ABCG8: variants seen among roughly 807,000 people sequenced by gnomAD.
The protein encoded by ABCG8 is ATP-binding cassette sub-family G member 8.
In ABCG8, 81 loss-of-function variants were observed where a neutral mutation model predicts 71.3. That is an observed-to-expected ratio of 1.14 (90% CI 0.95 to 1.37). The LOEUF (loss-of-function observed/expected upper bound fraction) is 1.37, where lower values mean the gene tolerates loss of function less well. Among genes scored for constraint, ABCG8 ranks in the 40% most tolerant of loss-of-function variants. The pLI, the probability that ABCG8 is intolerant of heterozygous loss-of-function variation, is 0.00. For synonymous variants in ABCG8, 451 were observed against 354.7 expected, an observed-to-expected ratio of 1.27 and a Z score of -3.05; for missense variants, 1,119 against 866.2, an observed-to-expected ratio of 1.29 and a Z score of -3.66.
At position 43,871,961 on chromosome 2, in the gene ABCG8, A is replaced by G. The variant is rs774941972; in HGVS notation, c.965-15A>G. On this transcript the variant is annotated splice_polypyrimidine_tract_variant and intron_variant, in intron 6 of 12. Transcript: ENST00000272286. ...GGGAACAGGCCACCTGTGACTCCAC[A>G]TCCCCTGCTTGCAGTGGACCTGACC... 6 of 1,613,948 alleles carry G rather than the reference A, an allele frequency of 3.7e-6. No homozygotes were observed. Among genetic ancestry groups the G allele is most frequent in the Non-Finnish European group, 4.2e-6 (5 of 1,180,024 alleles).
At chr2:43,853,744 G>A (rs543269397) in intron 6 of ABCG8, among the ~76,000 whole-genome samples, 1 of 152,348 alleles carries the variant, frequency 6.6e-6, no homozygotes, top group South Asian at 2.1e-4. Flanking sequence ...GAGAAGCCTG[G>A]AGCTTGCAGA....
chr2:43,876,986 T>C (rs1422883150), intron 11 of ABCG8, among the ~76,000 whole-genome samples: 2 of 147,980 alleles, frequency 1.4e-5, no homozygotes, highest in Non-Finnish European at 3.0e-5. Flanking sequence ...GGGGAGACCA[T>C]GAGAATATAG....
chr2:43,852,117 C>G (rs1012286297), intron 4 of ABCG8, among the ~76,000 whole-genome samples: 2 of 152,202 alleles, frequency 1.3e-5, no homozygotes, highest in African/African-American at 4.8e-5. Flanking sequence ...GCCATGGTCC[C>G]CAATACACTG....
Position 43,874,502 on chromosome 2 carries a change from G to C in ABCG8, c.1488+19G>C, listed in dbSNP as rs1669892065. ...TGCCAAGGTGACTGGGCAGGGTTGA[G>C]AGCAAGTGCCCCCCACCCACCAGGG... is the stretch of plus-strand genomic sequence containing the variant. On this transcript the variant is annotated intron_variant, in intron 10 of 12. Coordinates refer to ENST00000272286, the MANE Select transcript of ABCG8 (RefSeq NM_022437.3). 6.5e-7 allele frequency: 1 copy of C among 1,534,452 alleles called. No homozygotes were observed. The highest frequency in any genetic ancestry group is 1.1e-5 in the South Asian group (1 of 87,744).
rs1032089142 is a variant in ABCG8, at chr2:43,865,142, G to A, written c.965-6834G>A. Among the ~76,000 whole-genome samples the A allele has an allele frequency of 5.3e-5, 8 of 149,826 alleles. No individual in the cohort carries two copies. The East Asian group carries it at 1.2e-3, about 23-fold the overall frequency. On this transcript the variant is annotated intron_variant, in intron 6 of 12. Transcript: ENST00000272286. ...TGGATAGAATTCTCAGCATCTGCAT[G>A]GAACTCTCACTATCTGTCTATGTAG...
In ABCG8 at chr2:43,846,187, G is replaced by C. The variant is rs771923992; in HGVS notation, c.198G>C (p.Glu66Asp). The C allele has an allele frequency of 6.2e-7, 1 of 1,613,898 alleles. No individual in the cohort carries two copies. Among genetic ancestry groups the C allele is most frequent in the Non-Finnish European group, 8.5e-7 (1 of 1,180,024 alleles). Residue 66 changes from glutamate to aspartate, a missense_variant, in exon 3 of 13, where the codon GAG (glutamate) becomes GAC (aspartate). Coordinates refer to ENST00000272286, the MANE Select transcript of ABCG8 (RefSeq NM_022437.3). ...VDLASQVPWFEQLAQFKMPWT... is the reference protein window; with the variant it reads ...VDLASQVPWFDQLAQFKMPWT... The stretch of plus-strand genomic sequence containing the variant: ...TGGCCTCTCAGGTCCCTTGGTTTGA[G>C]CAGCTGGCTCAGTTCAAGATGCCCT...
chr2:43,877,966 G>T lies in ABCG8; in HGVS notation c.*53G>T. The T allele has an allele frequency of 6.2e-7, 1 of 1,612,912 alleles. No individual in the cohort carries two copies. Among genetic ancestry groups the T allele is most frequent in the Non-Finnish European group, 8.5e-7 (1 of 1,179,558 alleles). ...GGGGACCTGAGCAGACCCTTCAACT[G>T]CACTCCCTCCTCAGGAGCCCCTTCC... On this transcript the variant is annotated 3_prime_UTR_variant, in exon 13 of 13. Coordinates refer to ENST00000272286, the MANE Select transcript of ABCG8 (RefSeq NM_022437.3).
chr2:43,865,173 T>C (rs867362725), intron 6 of ABCG8, among the ~76,000 whole-genome samples: 1 of 151,818 alleles, frequency 6.6e-6, no homozygotes, highest in Non-Finnish European at 1.5e-5. Context: ...TGTAGAATTC[T>C]CAACATCTGG....
Position 43,852,799 on chromosome 2 carries a change from C to G in ABCG8, c.895C>G (p.His299Asp). 1 of 1,614,122 alleles carries G rather than the reference C, an allele frequency of 6.2e-7. No homozygotes were observed. Among genetic ancestry groups the G allele is most frequent in the Non-Finnish European group, 8.5e-7 (1 of 1,180,020 alleles). Residue 299 changes from histidine (H) to aspartate (D), a missense_variant, in exon 6 of 13, where the codon CAC (histidine) becomes GAC (aspartate). By Grantham distance (81) the His-to-Asp change is moderately conservative. Transcript: ENST00000272286. ...CCCCATCTACTTAGGGGCGGCCCAG[C>G]ACATGGTCCAGTATTTCACAGCCAT... ...GTPIYLGAAQ[H>D]MVQYFTAIGY...
chr2:43,877,904 A>G lies in ABCG8; in HGVS notation c.2013A>G (p.Gln671=), dbSNP rs373862876. The part of the protein sequence containing the change: ...SLRFIKQKPS[Q]DW ...GGTTCATCAAACAGAAACCAAGTCAAGACTGGTGATTCACGCCAGACGTCT... is the reference window on the plus strand; with the variant it reads ...GGTTCATCAAACAGAAACCAAGTCAGGACTGGTGATTCACGCCAGACGTCT... Residue 671 remains glutamine (Q), a synonymous_variant, in exon 13 of 13, where the codon CAA becomes CAG. Transcript: ENST00000272286. 24 of 1,614,008 alleles carry G rather than the reference A, an allele frequency of 1.5e-5. No individual in the cohort carries two copies. The highest frequency in any genetic ancestry group is 1.9e-5 in the Non-Finnish European group (23 of 1,180,030).
intron 8 of ABCG8, 117 bp from the exon 9 acceptor site, chr2:43,873,670 A>T: frequency 3.0e-6 from 3 of 1,008,450 alleles, no homozygotes; most frequent in South Asian, 2.6e-5. Flanking sequence ...TGAGGCAGGT[A>T]TTACCATCCC....
At chr2:43,842,393 G>C (rs1319436296) in intron 1 of ABCG8, among the ~76,000 whole-genome samples, 1 of 152,226 alleles carries the variant, frequency 6.6e-6, no homozygotes, top group African/African-American at 2.4e-5. Context: ...TGACAGCGGA[G>C]AGGGCGAGTG....
At chr2:43,874,831 G>A (rs112420856) in intron 10 of ABCG8, among the ~76,000 whole-genome samples, 111 of 152,288 alleles carry the variant, frequency 7.3e-4, no homozygotes, top group South Asian at 1.5e-3. Context: ...GAGAGGCTAC[G>A]TGGCTCTCCA....
At chr2:43,873,633 T>A (rs1437321829) in intron 8 of ABCG8, among the ~76,000 whole-genome samples, 154 bp from the exon 9 acceptor site, 1 of 152,218 alleles carries the variant, frequency 6.6e-6, no homozygotes, top group Non-Finnish European at 1.5e-5. Flanking sequence ...TCATCAGTTT[T>A]CTGATTTAAT....
intron 6 of ABCG8, 89 bp from the exon 7 acceptor site, chr2:43,871,887 C>G (rs1669787091): frequency 1.3e-6 from 2 of 1,572,084 alleles, no homozygotes; most frequent in Non-Finnish European, 8.7e-7. Flanking sequence ...GGGTGATCAG[C>G]ATTGTGAGCT....
In ABCG8 at chr2:43,873,844, G is replaced by T. The variant is rs762861929; in HGVS notation, c.1269G>T (p.Glu423Asp). ...DLPTLLIHGA[E>D]ACLMSMTIGF... ...CCACCCTCCTCATCCATGGGGCGGA[G>T]GCCTGTCTGATGTCAATGACCATCG... The change falls in exon 9 of 13, where the codon GAG (glutamate) becomes GAT (aspartate). Residue 423 changes from glutamate to aspartate, a missense_variant. Coordinates refer to ENST00000272286, the MANE Select transcript of ABCG8 (RefSeq NM_022437.3). 56 of 1,613,942 alleles carry T rather than the reference G, an allele frequency of 3.5e-5. No homozygotes were observed. Among genetic ancestry groups the T allele is most frequent in the Non-Finnish European group, 3.5e-5 (41 of 1,180,028 alleles).
rs1188356143 is a variant in ABCG8, at chr2:43,874,421, G to T, written c.1426G>T (p.Ala476Ser). The T allele has an allele frequency of 6.2e-7, 1 of 1,612,342 alleles. No individual in the cohort carries two copies. ...DVISKCYSER[A>S]MLYYELEDGL... The stretch of plus-strand genomic sequence containing the variant: ...TTACTTTTTAGGTTACTCAGAGAGG[G>T]CAATGCTTTACTATGAACTGGAAGA... Residue 476 changes from alanine to serine, a missense_variant, in exon 10 of 13, where the codon GCA becomes TCA. Coordinates refer to ENST00000272286, the MANE Select transcript of ABCG8 (RefSeq NM_022437.3).
rs895453725 is a variant in ABCG8 at position 43,882,868 on chromosome 2, A to C, written c.*4955A>C. On this transcript the variant is annotated 3_prime_UTR_variant, in exon 13 of 13. Coordinates refer to ENST00000272286, the MANE Select transcript of ABCG8 (RefSeq NM_022437.3). ...AAAACACTTCTCTGCTTTCTATGTA[A>C]TAGTGCTCACATCATTTGTATGATT... 3 of 152,256 alleles carry C rather than the reference A, an allele frequency of 2.0e-5. No homozygotes were observed. The highest frequency in any genetic ancestry group is 7.2e-5 in the African/African-American group (3 of 41,452). The allele number at this position is 152,256 out of a possible 1,614,324, so 9.4% of individuals were successfully genotyped here. A position where few individuals can be genotyped will look rare whatever the true frequency, so the allele number is the denominator to read the frequency against.
intron 3 of ABCG8, chr2:43,846,988 GTGCA>G (rs61578117): frequency 0.048 from 6,026 of 124,324 alleles, 374 homozygotes; most frequent in African/African-American, 0.17. Context: ...GCACGCGCGC[GTGCA>G]CACACACACA....
Sources: allele counts gnomAD v4.1 joint callset (sites outside exome capture counted in the v4.1 genomes callset), GRCh38; gene constraint gnomAD v4.1.1; transcripts MANE v1.5; gene names NCBI Gene and HGNC (gene_info 2026-07-23, HGNC 2026-07-21).